The following GFRA1 variants were observed in gnomAD, a reference collection of about 807,000 sequenced individuals.
GFRA1 encodes the protein GDNF family receptor alpha 1.
In GFRA1, 16 loss-of-function variants were observed where a neutral mutation model predicts 51.6. That is an observed-to-expected ratio of 0.31 (90% CI 0.21 to 0.47). The LOEUF (loss-of-function observed/expected upper bound fraction) is 0.47. Among genes scored for constraint, GFRA1 ranks in the 20% least tolerant of loss-of-function variants. The probability of loss-of-function intolerance (pLI) is 1.00; values close to 1 mark genes in which losing one functional copy is unlikely to be tolerated. For synonymous variants in GFRA1, 270 were observed against 241.3 expected, an observed-to-expected ratio of 1.12 and a Z score of -1.10; for missense variants, 530 against 594.3, an observed-to-expected ratio of 0.89 and a Z score of 1.13.
At chr10:116,183,760 TC>T (rs1962449743) in intron 5 of GFRA1, among the ~76,000 whole-genome samples, 1 of 152,212 alleles carries the variant, frequency 6.6e-6, no homozygotes, top group South Asian at 2.1e-4. Flanking sequence ...GCTCCCAGGC[TC>T]CTCTGTAACA....
At chr10:116,229,613 A>G (rs1441928365) in intron 4 of GFRA1, among the ~76,000 whole-genome samples, 2 of 152,188 alleles carry the variant, frequency 1.3e-5, no homozygotes, top group South Asian at 2.1e-4. Flanking sequence ...ATGATGTTCT[A>G]TGAAGAACAG....
intron 5 of GFRA1, among the ~76,000 whole-genome samples, chr10:116,131,431 T>C (rs1240772615): frequency 1.3e-5 from 2 of 152,176 alleles, no homozygotes; most frequent in African/African-American, 4.8e-5. Context: ...AACTTGAACA[T>C]ATGTCCACAA....
chr10:116,146,265 AGAAAAAG>A (rs1211471044), intron 5 of GFRA1, among the ~76,000 whole-genome samples: 2 of 151,916 alleles, frequency 1.3e-5, no homozygotes, highest in Non-Finnish European at 2.9e-5. Flanking sequence ...ACTCTCTTTA[AGAAAAAG>A]AATAGAGAAA....
intron 5 of GFRA1, among the ~76,000 whole-genome samples, chr10:116,137,728 G>A (rs1958391296): frequency 6.6e-6 from 1 of 152,194 alleles, no homozygotes; most frequent in Non-Finnish European, 1.5e-5. Context: ...ACAGTAAATG[G>A]AGCTGCACTC....
intron 5 of GFRA1, among the ~76,000 whole-genome samples, chr10:116,184,628 T>A (rs1308415453): frequency 6.6e-6 from 1 of 151,988 alleles, no homozygotes; most frequent in African/African-American, 2.4e-5. Context: ...GCACTACAGG[T>A]GGGCCTCCCG....
At chr10:116,195,500 T>C (rs1006564803) in intron 5 of GFRA1, among the ~76,000 whole-genome samples, 1 of 152,226 alleles carries the variant, frequency 6.6e-6, no homozygotes, top group African/African-American at 2.4e-5. Flanking sequence ...GTGTGCAACC[T>C]AGATTCCTCA....
In GFRA1 at chr10:116,272,157, T is replaced by C; in HGVS notation, c.-128A>G. 1.2e-6 allele frequency: 1 copy of C among 833,846 alleles called. No individual in the cohort carries two copies. Among genetic ancestry groups the C allele is most frequent in the Non-Finnish European group, 2.0e-6 (1 of 503,604 alleles). The allele number at this position is 833,846 out of a possible 1,614,324, so 51.7% of individuals were successfully genotyped here. ...CTGCTCTGGCCGCCCAAAGTTCAGC[T>C]CCATCCAGTGAAAGAGGAAACTCCG... is the stretch of plus-strand genomic sequence containing the variant. On this transcript the variant is annotated 5_prime_UTR_variant, in exon 2 of 11. Transcript: ENST00000355422. This position sits in a 1 kb window ranked among gnomAD's most constrained non-coding sequence, Gnocchi z 4.4.
In GFRA1 at chr10:116,180,033, C is replaced by T. The variant is rs112074317; in HGVS notation, c.433+31598G>A. On this transcript the variant is annotated intron_variant, in intron 5 of 10. Coordinates refer to ENST00000355422, the MANE Select transcript of GFRA1 (RefSeq NM_005264.8). ...CTGAGAATTTTGTATCTCCGGCAAT[C>T]CGCAATTTGTCAAATGAATTAGATT... is the stretch of plus-strand genomic sequence containing the variant. Among the ~76,000 whole-genome samples the T allele has an allele frequency of 2.2e-4, 34 of 152,312 alleles. 1 individual carries two copies. The highest frequency in any genetic ancestry group is 7.5e-4 in the African/African-American group (31 of 41,574).
intron 5 of GFRA1, among the ~76,000 whole-genome samples, chr10:116,140,813 AC>A (rs1259850876): frequency 1.3e-5 from 2 of 152,248 alleles, no homozygotes; most frequent in African/African-American, 4.8e-5. Flanking sequence ...AAATGTGATT[AC>A]AAGCCCTACA....
At chr10:116,064,957 G>A (rs1342195108) in intron 10 of GFRA1, among the ~76,000 whole-genome samples, 1 of 151,176 alleles carries the variant, frequency 6.6e-6, no homozygotes, top group Non-Finnish European at 1.5e-5. Context: ...TATAGATGAG[G>A]AGTTGGAGAG....
intron 5 of GFRA1, among the ~76,000 whole-genome samples, chr10:116,151,510 AC>A (rs1240161744): frequency 6.6e-6 from 1 of 152,194 alleles, no homozygotes. Flanking sequence ...TAGAGAAGTA[AC>A]TTTAGTCATT....
At chr10:116,083,493 G>A (rs529542215) in intron 9 of GFRA1, among the ~76,000 whole-genome samples, 18 of 152,330 alleles carry the variant, frequency 1.2e-4, no homozygotes, top group Non-Finnish European at 2.1e-4. Context: ...TAAGTGCTCC[G>A]TGCTAGAAGA....
At chr10:116,126,124 T>G (rs1434746902) in intron 5 of GFRA1, among the ~76,000 whole-genome samples, 1 of 152,266 alleles carries the variant, frequency 6.6e-6, no homozygotes, top group Non-Finnish European at 1.5e-5. Flanking sequence ...ATTTAAATTT[T>G]AGCTCGCAGG....
At chr10:116,157,134 C>A (rs1959227839) in intron 5 of GFRA1, among the ~76,000 whole-genome samples, 1 of 152,158 alleles carries the variant, frequency 6.6e-6, no homozygotes, top group African/African-American at 2.4e-5. Flanking sequence ...AAAGGTTAAT[C>A]CAAACATTTC....
At chr10:116,219,138 A>G (rs1965760717) in intron 4 of GFRA1, among the ~76,000 whole-genome samples, 1 of 152,218 alleles carries the variant, frequency 6.6e-6, no homozygotes, top group Non-Finnish European at 1.5e-5. Context: ...TGCAAGAGAC[A>G]TGAGCTGGTG....
At chr10:116,243,080 TG>T (rs1167300693) in intron 4 of GFRA1, among the ~76,000 whole-genome samples, 2 of 152,220 alleles carry the variant, frequency 1.3e-5, no homozygotes, top group African/African-American at 4.8e-5. Flanking sequence ...TTTCTTATAT[TG>T]CATTTAAAAT....
intron 4 of GFRA1, among the ~76,000 whole-genome samples, chr10:116,227,055 G>C (rs1294270887): frequency 6.6e-6 from 1 of 152,112 alleles, no homozygotes; most frequent in East Asian, 1.9e-4. Flanking sequence ...TACTGTCCAG[G>C]GTTGGGAACT....
At position 116,129,301 on chromosome 10, in the gene GFRA1, T is replaced by C. The variant is rs1053558344; in HGVS notation, c.434-3744A>G. Among the ~76,000 whole-genome samples, 9 of 152,210 alleles carry C rather than the reference T, an allele frequency of 5.9e-5. 1 individual carries two copies. The highest frequency in any genetic ancestry group is 2.2e-4 in the African/African-American group (9 of 41,458). On this transcript the variant is annotated intron_variant, in intron 5 of 10. Coordinates refer to ENST00000355422, the MANE Select transcript of GFRA1 (RefSeq NM_005264.8). Reference sequence around the variant, plus strand: ...TTCCCCAAACTTTAGTAAACTGTATTTAGCAATATCTTAAAAGGCTAATGC... The same window carrying C: ...TTCCCCAAACTTTAGTAAACTGTATCTAGCAATATCTTAAAAGGCTAATGC...
intron 5 of GFRA1, among the ~76,000 whole-genome samples, chr10:116,157,371 C>A (rs1452024588): frequency 6.6e-6 from 1 of 152,166 alleles, no homozygotes; most frequent in Non-Finnish European, 1.5e-5. Context: ...CACTGCTGAT[C>A]GCACCCTGTG....
Sources: gnomAD v4.1 joint callset for allele counts (sites outside exome capture counted in the v4.1 genomes callset) on GRCh38, gnomAD v4.1.1 for gene constraint, Gnocchi (gnomAD v3.1) non-coding constraint, MANE v1.5 for transcripts, NCBI Gene and HGNC (gene_info 2026-07-23, HGNC 2026-07-21) for gene names.